The following KANK1 variants were observed in gnomAD, a reference collection of about 807,000 sequenced individuals.
KANK1 encodes KN motif and ankyrin repeat domains 1, also known as KN motif and ankyrin repeat domain-containing protein 1.
KANK1 carries 109 observed loss-of-function variants against 106.2 expected under a neutral mutation model. The ratio of observed to expected loss-of-function variants is 1.03; its 90% CI spans 0.88 to 1.20. The LOEUF is 1.20. KANK1 is among the 50% of genes most tolerant of loss of function. The pLI is 0.00. For missense variants in KANK1, 2,399 were observed against 1,710.7 expected, an observed-to-expected ratio of 1.40 and a Z score of -7.10; for synonymous variants, 873 against 652.2, an observed-to-expected ratio of 1.34 and a Z score of -5.16.
Position 738,447 on chromosome 9 carries a change from C to T in KANK1, c.3496C>T (p.Leu1166Phe). Reference protein sequence around the residue: ...NLADGNGNTALHYSVSHSNFE... With the variant: ...NLADGNGNTAFHYSVSHSNFE... Reference sequence around the variant, plus strand: ...GGCAGACGGCAACGGCAACACAGCCCTCCATTACAGCGTGTCCCACTCCAA... The same window carrying T: ...GGCAGACGGCAACGGCAACACAGCCTTCCATTACAGCGTGTCCCACTCCAA... Residue 1166 changes from leucine (L) to phenylalanine (F), a missense_variant, in exon 8 of 12, where the codon CTC becomes TTC. Physicochemically the swap from Leu to Phe is conservative, Grantham distance 22 (BLOSUM62 0). Coordinates refer to ENST00000382297, the MANE Select transcript of KANK1 (RefSeq NM_015158.5). The T allele has an allele frequency of 6.2e-7, 1 of 1,614,184 alleles. No homozygotes were observed. The highest frequency in any genetic ancestry group is 1.1e-5 in the South Asian group (1 of 91,070).
At chr9:550,585 C>G (rs1457782524) in intron 1 of KANK1, among the ~76,000 whole-genome samples, 1 of 152,176 alleles carries the variant, frequency 6.6e-6, no homozygotes, top group Admixed American at 6.5e-5. Flanking sequence ...CCAGCCTCAG[C>G]AACAGAGGGA....
chr9:566,174 C>T (rs1817757341), intron 1 of KANK1, among the ~76,000 whole-genome samples: 1 of 152,148 alleles, frequency 6.6e-6, no homozygotes, highest in Non-Finnish European at 1.5e-5. Flanking sequence ...GCTATCCATG[C>T]AAAGGACATG....
At chr9:723,943 A>AAG (rs1830019615) in intron 3 of KANK1, among the ~76,000 whole-genome samples, 1 of 150,874 alleles carries the variant, frequency 6.6e-6, no homozygotes, top group Non-Finnish European at 1.5e-5. Flanking sequence ...AATACGAAAA[A>AAG]AAAAAAAAAA....
At chr9:551,251 T>G (rs1205587744) in intron 1 of KANK1, among the ~76,000 whole-genome samples, 1 of 151,678 alleles carries the variant, frequency 6.6e-6, no homozygotes, top group Admixed American at 6.6e-5. Flanking sequence ...CACACACATT[T>G]GCCTGTTTCC....
At chr9:500,796 C>T (rs1376761022), upstream of KANK1, among the ~76,000 whole-genome samples, 1 of 152,222 alleles carries the variant, frequency 6.6e-6, no homozygotes, top group African/African-American at 2.4e-5. Context: ...TTTTCTCCCT[C>T]CTACGGAGCT....
chr9:721,403 A>G (rs1244320234), intron 3 of KANK1, among the ~76,000 whole-genome samples: 1 of 152,192 alleles, frequency 6.6e-6, no homozygotes, highest in Non-Finnish European at 1.5e-5. Flanking sequence ...AATGTCAGCA[A>G]AGTCAATGTA....
chr9:556,081 A>C (rs1036251357), intron 1 of KANK1, among the ~76,000 whole-genome samples: 2 of 152,160 alleles, frequency 1.3e-5, no homozygotes, highest in Non-Finnish European at 2.9e-5. Context: ...TTCTTTCTCT[A>C]CAGTCTGTTT....
At chr9:577,797 A>C (rs1820975226) in intron 1 of KANK1, among the ~76,000 whole-genome samples, 1 of 152,210 alleles carries the variant, frequency 6.6e-6, no homozygotes, top group Non-Finnish European at 1.5e-5. Flanking sequence ...CTAGCATTTG[A>C]GAACCACTGG....
At chr9:480,132 A>G (rs2058178870) in intron 3 of KANK1, among the ~76,000 whole-genome samples, 1 of 152,248 alleles carries the variant, frequency 6.6e-6, no homozygotes, top group Non-Finnish European at 1.5e-5. Context: ...CTGTGCATTC[A>G]GGCACAAGCT....
intron 3 of KANK1, among the ~76,000 whole-genome samples, chr9:720,036 G>A (rs1564074160): frequency 6.6e-6 from 1 of 152,170 alleles, no homozygotes; most frequent in East Asian, 1.9e-4. Flanking sequence ...AAAGCTAAGT[G>A]CACTTCGGAA....
At chr9:651,531 G>C (rs1040663100) in intron 1 of KANK1, among the ~76,000 whole-genome samples, 1 of 152,164 alleles carries the variant, frequency 6.6e-6, no homozygotes, top group Non-Finnish European at 1.5e-5. Context: ...TACATCCTCT[G>C]TTGAAAGGAT....
chr9:645,338 T>A (rs771884614), intron 1 of KANK1, among the ~76,000 whole-genome samples: 6 of 139,342 alleles, frequency 4.3e-5, no homozygotes, highest in Non-Finnish European at 9.1e-5. Context: ...TACTGAGAAG[T>A]CTGAGGCAGG....
intron 1 of KANK1, among the ~76,000 whole-genome samples, chr9:623,750 T>A (rs1350255277): frequency 6.6e-6 from 1 of 152,180 alleles, no homozygotes; most frequent in Non-Finnish European, 1.5e-5. Context: ...ATAACAAGTT[T>A]TGACAAGGAT....
At chr9:623,265 A>C (rs910639998) in intron 1 of KANK1, among the ~76,000 whole-genome samples, 3 of 152,148 alleles carry the variant, frequency 2.0e-5, no homozygotes, top group African/African-American at 7.2e-5. Context: ...ACACTTTTCC[A>C]AAGAAGACAC....
In KANK1 at chr9:535,031, G is replaced by C. The variant is rs575479069; in HGVS notation, c.-84+30277G>C. ...TTTGCCCCTCCTGCTGGGCCTCGCA[G>C]CCGTGGGATTGGCCACATCACTTCC... On this transcript the variant is annotated intron_variant, in intron 1 of 11. Transcript: ENST00000382297. 2.5e-3 allele frequency among the ~76,000 whole-genome samples: 381 copies of C among 152,320 alleles called. 2 individuals are homozygous for C. The highest frequency in any genetic ancestry group is 8.9e-3 in the African/African-American group (369 of 41,578).
intron 1 of KANK1, among the ~76,000 whole-genome samples, chr9:538,464 C>T (rs890903723): frequency 6.6e-6 from 1 of 152,190 alleles, no homozygotes; most frequent in Non-Finnish European, 1.5e-5. Flanking sequence ...CCATGATTGA[C>T]AAAACAATTT....
Position 732,365 on chromosome 9 carries a change from A to C in KANK1, c.3006-13A>C, listed in dbSNP as rs781112699. ...CACACCTTGCATCTCCTGAAATCCCAATTGCCACCTAGGTATGAAACAACT... is the reference window on the plus strand; with the variant it reads ...CACACCTTGCATCTCCTGAAATCCCCATTGCCACCTAGGTATGAAACAACT... On this transcript the variant is annotated splice_polypyrimidine_tract_variant and intron_variant, in intron 5 of 11. Coordinates refer to ENST00000382297, the MANE Select transcript of KANK1 (RefSeq NM_015158.5). The C allele has an allele frequency of 6.2e-6, 10 of 1,602,272 alleles. No individual in the cohort carries two copies. The Admixed American group carries it at 8.4e-5, about 13-fold the overall frequency.
intron 1 of KANK1, among the ~76,000 whole-genome samples, chr9:587,578 C>G (rs1383658433): frequency 6.6e-6 from 1 of 152,088 alleles, no homozygotes; most frequent in Non-Finnish European, 1.5e-5. Flanking sequence ...TAAAATTGTA[C>G]TATATTATTT....
chr9:666,891 C>T (rs951951175), intron 1 of KANK1, among the ~76,000 whole-genome samples: 6 of 132,688 alleles, frequency 4.5e-5, no homozygotes, highest in African/African-American at 1.4e-4. Context: ...TGAAATTAGC[C>T]TATTGTTGTC....
Sources: gnomAD v4.1 joint callset for allele counts (sites outside exome capture counted in the v4.1 genomes callset) on GRCh38, gnomAD v4.1.1 for gene constraint, MANE v1.5 for transcripts, NCBI Gene and HGNC (gene_info 2026-07-23, HGNC 2026-07-21) for gene names.